The following REPS2 variants were observed in gnomAD, a reference collection of about 807,000 sequenced individuals.
REPS2 encodes the protein RALBP1 associated Eps domain containing 2.
Under a neutral mutation model 53.6 loss-of-function variants are expected in REPS2, and 23 were observed. The ratio of observed to expected loss-of-function variants is 0.43; its 90% confidence interval spans 0.31 to 0.61. The LOEUF is 0.61. REPS2 is among the 20% of genes least tolerant of loss of function. The pLI, the probability that REPS2 is intolerant of heterozygous loss-of-function variation, is 0.11. For missense variants in REPS2, 446 were observed against 534.9 expected, an observed-to-expected ratio of 0.83 and a Z score of 1.64; for synonymous variants, 238 against 218.6, an observed-to-expected ratio of 1.09 and a Z score of -0.78.
chrX:17,093,267 C>T lies in REPS2; in HGVS notation c.1517-10451C>T, dbSNP rs766368599. ...GCTTTGGGTGCACTTCTGACTCTGC[C>T]TGCTTCCTTGCAGAAGCTGTGTGTG... On this transcript the variant is annotated intron_variant, in intron 13 of 17. Coordinates refer to ENST00000357277, the MANE Select transcript of REPS2 (RefSeq NM_004726.3). Among the ~76,000 whole-genome samples, 9 of 96,835 alleles carry T rather than the reference C, an allele frequency of 9.3e-5. No homozygotes were observed. In the South Asian group the frequency reaches 2.6e-3, roughly 28 times the overall value. 84.1% of individuals were successfully genotyped at this position (96,835 alleles called of 115,157 possible).
At chrX:16,983,989 A>G (rs999620007) in intron 1 of REPS2, among the ~76,000 whole-genome samples, 50 of 112,895 alleles carry the variant, frequency 4.4e-4, no homozygotes, top group African/African-American at 1.6e-3. Flanking sequence ...TGAAGGTAAT[A>G]CCTGATTTCT....
chrX:16,979,850 A>G (rs1180562207), intron 1 of REPS2, among the ~76,000 whole-genome samples: 8 of 109,827 alleles, frequency 7.3e-5, no homozygotes, highest in African/African-American at 2.3e-4. Flanking sequence ...GATCTCCAAG[A>G]AATCGGTGGA....
chrX:16,975,414 T>C (rs976177378), intron 1 of REPS2, among the ~76,000 whole-genome samples: 1 of 112,249 alleles, frequency 8.9e-6, no homozygotes, highest in Non-Finnish European at 1.9e-5. Context: ...CCATTCTTAC[T>C]GATGTGAGAT....
At chrX:17,088,618 T>C (rs2062573545) in intron 13 of REPS2, among the ~76,000 whole-genome samples, 1 of 103,451 alleles carries the variant, frequency 9.7e-6, no homozygotes, top group Non-Finnish European at 2.0e-5. Context: ...AGATGGAGTC[T>C]CTCTCTGTTG....
intron 2 of REPS2, among the ~76,000 whole-genome samples, chrX:17,017,556 GAT>G (rs756415128): frequency 4.7e-4 from 49 of 105,122 alleles, no homozygotes; most frequent in Middle Eastern, 4.9e-3. Flanking sequence ...TGGTTACAGG[GAT>G]ATATATATAT....
chrX:17,024,971 G>C, intron 3 of REPS2, 88 bp from the exon 4 acceptor site: 5 of 1,169,120 alleles, frequency 4.3e-6, no homozygotes, highest in Non-Finnish European at 5.8e-6. Flanking sequence ...TGGGTCACCA[G>C]CAGTAGAGTT....
chrX:16,949,687 C>T (rs1275353089), intron 1 of REPS2, among the ~76,000 whole-genome samples: 1 of 112,246 alleles, frequency 8.9e-6, no homozygotes, highest in Non-Finnish European at 1.9e-5. Flanking sequence ...GGATTACAGG[C>T]GTGAGCCACC....
chrX:17,184,551 G>A, the REPS2 span, among the ~76,000 whole-genome samples: 1 of 108,623 alleles, frequency 9.2e-6, no homozygotes, highest in South Asian at 4.2e-4. Context: ...CCCAGTAATG[G>A]GATGGCTGGG....
At chrX:17,107,099 A>G (rs2062884505) in intron 14 of REPS2, among the ~76,000 whole-genome samples, 1 of 112,406 alleles carries the variant, frequency 8.9e-6, no homozygotes, top group African/African-American at 3.2e-5. Context: ...GTTCTGATAA[A>G]TTTATCATTT....
chrX:17,032,179 G>A (rs2061716302), intron 5 of REPS2, among the ~76,000 whole-genome samples: 1 of 111,999 alleles, frequency 8.9e-6, no homozygotes, highest in Non-Finnish European at 1.9e-5. Flanking sequence ...CATGGGTCTG[G>A]AGCTTGGGAG....
At position 17,147,831 on chromosome X, in the gene REPS2, A is replaced by G. The variant is rs2063531519; in HGVS notation, c.*350A>G. On this transcript the variant is annotated 3_prime_UTR_variant, in exon 18 of 18. Transcript: ENST00000357277. ...ATTTAAAGAATTTATGTTTTCTATA[A>G]AACCTTATAACCAAGAACCTTCAGG... 2 of 134,109 alleles carry G rather than the reference A, an allele frequency of 1.5e-5. No individual in the cohort carries two copies. Among genetic ancestry groups the G allele is most frequent in the East Asian group, 4.0e-4 (2 of 5,019 alleles). The allele number at this position is 134,109 out of a possible 1,213,427, so 11.1% of individuals were successfully genotyped here.
chrX:16,977,450 C>T (rs2060969222), intron 1 of REPS2, among the ~76,000 whole-genome samples: 1 of 110,850 alleles, frequency 9.0e-6, no homozygotes, highest in African/African-American at 3.3e-5. Flanking sequence ...TGCGATCACT[C>T]ACGTCTGTAA....
the REPS2 span, among the ~76,000 whole-genome samples, chrX:17,165,041 C>T: frequency 2.0e-5 from 2 of 102,426 alleles, no homozygotes; most frequent in Admixed American, 2.1e-4. Context: ...CCACCACCAC[C>T]ACCACCACCA....
At chrX:17,155,744 G>T (rs2063608587), downstream of REPS2, among the ~76,000 whole-genome samples, 1 of 112,050 alleles carries the variant, frequency 8.9e-6, no homozygotes, top group African/African-American at 3.2e-5. Flanking sequence ...AGTTTAATTT[G>T]TTATATATCT....
chrX:17,083,168 C>T (rs1164283487), intron 13 of REPS2, among the ~76,000 whole-genome samples: 2 of 105,759 alleles, frequency 1.9e-5, no homozygotes, highest in Non-Finnish European at 3.9e-5. Context: ...CTGCAAGCTC[C>T]GTCTCCCGGG....
intron 15 of REPS2, among the ~76,000 whole-genome samples, 179 bp downstream of exon 15, chrX:17,134,086 G>C (rs1401934107): frequency 2.7e-5 from 3 of 111,661 alleles, no homozygotes; most frequent in African/African-American, 9.8e-5. Context: ...TCCTGGGCTT[G>C]ACCCTTGATG....
At chrX:17,132,476 CT>C (rs1225924356) in intron 14 of REPS2, among the ~76,000 whole-genome samples, 1 of 112,885 alleles carries the variant, frequency 8.9e-6, no homozygotes, top group Non-Finnish European at 1.9e-5. Context: ...AAGAAGATGT[CT>C]TTAAAACTAG....
rs769281186 is a variant in REPS2 at position 17,132,463 on chromosome X, G to T, written c.1579-1361G>T. On this transcript the variant is annotated intron_variant, in intron 14 of 17. Coordinates refer to ENST00000357277, the MANE Select transcript of REPS2 (RefSeq NM_004726.3). Reference sequence around the variant, plus strand: ...CGTCAGACAGTCCCTCTTTCTGGGAGCCAAGAAGATGTCTTTAAAACTAGA... The same window carrying T: ...CGTCAGACAGTCCCTCTTTCTGGGATCCAAGAAGATGTCTTTAAAACTAGA... Among the ~76,000 whole-genome samples, 4 of 112,914 alleles carry T rather than the reference G, an allele frequency of 3.5e-5. No individual in the cohort carries two copies. The South Asian group carries it at 1.5e-3, about 41-fold the overall frequency.
chrX:17,022,484 T>G (rs1177286987), intron 3 of REPS2: 3 of 289,586 alleles, frequency 1.0e-5, no homozygotes, highest in Middle Eastern at 8.8e-4. Context: ...TAGAGCCTAC[T>G]TTAAAGTAGA....
Sources: allele counts gnomAD v4.1 joint callset (sites outside exome capture counted in the v4.1 genomes callset), GRCh38; gene constraint gnomAD v4.1.1; transcripts MANE v1.5; gene names NCBI Gene and HGNC (gene_info 2026-07-23, HGNC 2026-07-21).